Variants in C1orf141 observed in about 807,000 individuals in gnomAD.
C1orf141 encodes chromosome 1 open reading frame 141.
C1orf141 carries 19 observed loss-of-function variants against 23.2 expected under a neutral mutation model. The observed-to-expected ratio is 0.82, with a 90% CI of 0.57 to 1.20. The LOEUF (loss-of-function observed/expected upper bound fraction) is 1.20, where lower values mean the gene tolerates loss of function less well. C1orf141 is among the 50% of genes most tolerant of loss of function. The probability of loss-of-function intolerance (pLI) is 0.00; values close to 1 mark genes in which losing one functional copy is unlikely to be tolerated. For synonymous variants in C1orf141, 153 were observed against 154.6 expected (o/e 0.99, Z 0.08); for missense variants, 469 against 455.1 (o/e 1.03, Z -0.28).
In C1orf141 at chr1:67,095,228, T is replaced by G; in HGVS notation, c.603+7A>C. 6.7e-7 allele frequency: 1 copy of G among 1,493,350 alleles called. No individual in the cohort carries two copies. The highest frequency in any genetic ancestry group is 9.2e-7 in the Non-Finnish European group (1 of 1,088,126). 92.5% of individuals were successfully genotyped at this position (1,493,350 alleles called of 1,614,324 possible). ...ATTTACTTAACAATAGATGATATGC[T>G]TATTACCATGTGAGAAGTTACTGTC... On this transcript the variant is annotated splice_region_variant and intron_variant, in intron 7 of 7. Coordinates refer to ENST00000684719, the MANE Select transcript of C1orf141 (RefSeq NM_001276351.2).
chr1:67,112,730 C>A (rs1453023172), intron 5 of C1orf141, among the ~76,000 whole-genome samples: 1 of 151,936 alleles, frequency 6.6e-6, no homozygotes, highest in Non-Finnish European at 1.5e-5. Flanking sequence ...AACAAAAAAC[C>A]AAGGGGTGAA....
At chr1:67,111,724 T>G in intron 5 of C1orf141, 5 of 536,012 alleles carry the variant, frequency 9.3e-6, no homozygotes, top group African/African-American at 2.0e-5. Flanking sequence ...TCCACTGCAG[T>G]AAACTTTTAA....
In C1orf141 at chr1:67,098,389, C is replaced by T. The variant is rs144272241; in HGVS notation, c.347-2068G>A. On this transcript the variant is annotated intron_variant, in intron 5 of 7. Coordinates refer to ENST00000684719, the MANE Select transcript of C1orf141 (RefSeq NM_001276351.2). Reference sequence around the variant, plus strand: ...TACAAAAATCAGCTGGGCATTGTGGCGAACGCCTTATAGTCTCAGCTACTT... The same window carrying T: ...TACAAAAATCAGCTGGGCATTGTGGTGAACGCCTTATAGTCTCAGCTACTT... Among the ~76,000 whole-genome samples the T allele has an allele frequency of 1.1e-3, 167 of 152,116 alleles. 1 individual carries two copies. Among genetic ancestry groups the T allele is most frequent in the Admixed American group, 2.1e-3 (32 of 15,256 alleles).
intron 3 of C1orf141, among the ~76,000 whole-genome samples, chr1:67,126,893 C>T (rs1646426025): frequency 6.6e-6 from 1 of 152,110 alleles, no homozygotes; most frequent in Non-Finnish European, 1.5e-5. Flanking sequence ...TCCATAGCAG[C>T]TTTATTTTAT....
intron 1 of C1orf141, among the ~76,000 whole-genome samples, chr1:67,131,731 T>C (rs978856748): frequency 2.2e-4 from 34 of 152,058 alleles, no homozygotes; most frequent in Non-Finnish European, 2.9e-5. Context: ...TTCTCCCACA[T>C]GTCTTCCAGT....
intron 5 of C1orf141, among the ~76,000 whole-genome samples, chr1:67,111,967 G>C (rs1185255391): frequency 6.6e-6 from 1 of 152,172 alleles, no homozygotes; most frequent in Non-Finnish European, 1.5e-5. Context: ...CCTTTGAAAA[G>C]AGAAATAGAA....
At chr1:67,107,241 G>A (rs903833617) in intron 5 of C1orf141, among the ~76,000 whole-genome samples, 1 of 151,920 alleles carries the variant, frequency 6.6e-6, no homozygotes, top group Non-Finnish European at 1.5e-5. Flanking sequence ...AATAAAAAGA[G>A]AGATAACTAA....
At chr1:67,114,420 T>A (rs975134873) in intron 5 of C1orf141, among the ~76,000 whole-genome samples, 11 of 152,200 alleles carry the variant, frequency 7.2e-5, no homozygotes, top group African/African-American at 2.7e-4. Context: ...AATATGACAT[T>A]ATGAAAGTGA....
At chr1:67,129,970 G>C (rs1477924774) in intron 2 of C1orf141, among the ~76,000 whole-genome samples, 1 of 152,122 alleles carries the variant, frequency 6.6e-6, no homozygotes, top group Non-Finnish European at 1.5e-5. Flanking sequence ...TAAATATTTT[G>C]ATTTTAGAGA....
At chr1:67,105,815 T>G (rs1645914191) in intron 5 of C1orf141, among the ~76,000 whole-genome samples, 1 of 152,170 alleles carries the variant, frequency 6.6e-6, no homozygotes, top group South Asian at 2.1e-4. Flanking sequence ...CAGACTGAAG[T>G]TGGCATTGTA....
At chr1:67,134,319 A>G (rs1646561030) in intron 1 of C1orf141, among the ~76,000 whole-genome samples, 1 of 47,782 alleles carries the variant, frequency 2.1e-5, no homozygotes, top group African/African-American at 6.2e-5. Context: ...GGAAGTTTCT[A>G]AGAAAAACTA....
chr1:67,113,609 C>T (rs1646126810), intron 5 of C1orf141: 1 of 701,368 alleles, frequency 1.4e-6, no homozygotes, highest in Non-Finnish European at 2.0e-6. Flanking sequence ...AAGTGATCCA[C>T]TTGCCTTGGC....
upstream of C1orf141, chr1:67,135,124 CT>C (rs1205476300): frequency 1.3e-5 from 2 of 152,412 alleles, no homozygotes; most frequent in Admixed American, 1.3e-4. Context: ...GCCCAGGTGA[CT>C]CCCCAGATGC....
At chr1:67,099,254 G>T (rs555309515) in intron 5 of C1orf141, among the ~76,000 whole-genome samples, 1 of 152,236 alleles carries the variant, frequency 6.6e-6, no homozygotes, top group East Asian at 1.9e-4. Flanking sequence ...ATGACAATTG[G>T]ACCATGAACA....
At chr1:67,096,958 G>A (rs1389126035) in intron 5 of C1orf141, among the ~76,000 whole-genome samples, 1 of 152,188 alleles carries the variant, frequency 6.6e-6, no homozygotes, top group East Asian at 1.9e-4. Context: ...GAGCAGCCTT[G>A]ATGGCTAAGG....
intron 4 of C1orf141, chr1:67,123,454 T>G (rs1646340697): frequency 6.6e-6 from 1 of 152,164 alleles, no homozygotes; most frequent in Non-Finnish European, 1.5e-5. Context: ...ATTTGTCTCT[T>G]GTCATATTTT....
At chr1:67,139,180 T>G (rs1219832382), upstream of C1orf141, 1 of 152,210 alleles carries the variant, frequency 6.6e-6, no homozygotes, top group Non-Finnish European at 1.5e-5. Flanking sequence ...TCTTTGTGTA[T>G]AAACCAGTCT....
chr1:67,139,787 C>T (rs1646618401), upstream of C1orf141, among the ~76,000 whole-genome samples: 1 of 152,294 alleles, frequency 6.6e-6, no homozygotes, highest in African/African-American at 2.4e-5. Context: ...AAGGCATCCT[C>T]TACCTCAGCC....
chr1:67,105,781 T>A (rs1645913343), intron 5 of C1orf141, among the ~76,000 whole-genome samples: 1 of 152,178 alleles, frequency 6.6e-6, no homozygotes, highest in Admixed American at 6.5e-5. Context: ...GGAGCTGCTA[T>A]TTGTATAGCT....
Sources: allele counts gnomAD v4.1 joint callset (sites outside exome capture counted in the v4.1 genomes callset), GRCh38; gene constraint gnomAD v4.1.1; transcripts MANE v1.5; gene names NCBI Gene and HGNC (gene_info 2026-07-23, HGNC 2026-07-21).